The following DMD variants were observed in gnomAD, a reference collection of about 807,000 sequenced individuals.
DMD encodes the protein mutant dystrophin.
Under a neutral mutation model 330.1 loss-of-function variants are expected in DMD, and 63 were observed. The ratio of observed to expected loss-of-function variants is 0.19; its 90% CI spans 0.16 to 0.24. DMD has a LOEUF of 0.24. Ranked by LOEUF, DMD falls within the 10% of genes least tolerant of loss-of-function variation. DMD has a pLI of 1.00. For missense variants in DMD, 3,344 were observed against 2,684.1 expected, an observed-to-expected ratio of 1.25 and a Z score of -5.43; for synonymous variants, 1,223 against 959.8, an observed-to-expected ratio of 1.27 and a Z score of -5.07.
In DMD at chrX:31,719,569, CA is replaced by C. The variant is rs1241449469; in HGVS notation, c.7660+10061del. Among the ~76,000 whole-genome samples, 8 of 111,600 alleles carry C rather than the reference CA, an allele frequency of 7.2e-5. No individual in the cohort carries two copies. The East Asian group carries it at 2.3e-3, about 31-fold the overall frequency. ...GTGGGTTCTTGTTTCTTTCAAGAAA[CA>C]AAAACACATGTTATTCTGCACGTGT... is the stretch of plus-strand genomic sequence containing the variant. On this transcript the variant is annotated intron_variant, in intron 52 of 78. Coordinates refer to ENST00000357033, the MANE Select transcript of DMD (RefSeq NM_004006.3).
At chrX:32,904,750 A>G (rs1055347678) in intron 2 of DMD, among the ~76,000 whole-genome samples, 7 of 110,896 alleles carry the variant, frequency 6.3e-5, no homozygotes, top group African/African-American at 2.3e-4. Flanking sequence ...TAATTTTTGT[A>G]TTTTTGGTAG....
intron 76 of DMD, among the ~76,000 whole-genome samples, chrX:31,143,047 C>T (rs2036264649): frequency 8.9e-6 from 1 of 112,341 alleles, no homozygotes; most frequent in Non-Finnish European, 1.9e-5. Flanking sequence ...CCTTGTATCT[C>T]AAACCTTCAA....
intron 60 of DMD, among the ~76,000 whole-genome samples, chrX:31,434,416 G>GCGCA (rs1375237158): frequency 1.5e-5 from 1 of 66,376 alleles, no homozygotes; most frequent in East Asian, 6.3e-4. Flanking sequence ...TGCAGCGCGC[G>GCGCA]CGCACACACA....
chrX:33,128,133 C>T, intron 1 of DMD: 2 of 1,206,952 alleles, frequency 1.7e-6, no homozygotes, highest in Non-Finnish European at 2.2e-6. Flanking sequence ...CATTTATCTG[C>T]AGCTTTTACT....
chrX:32,560,594 C>T (rs1459102951), intron 16 of DMD, among the ~76,000 whole-genome samples: 1 of 110,901 alleles, frequency 9.0e-6, no homozygotes, highest in Non-Finnish European at 1.9e-5. Context: ...TGCTCTCCTC[C>T]TCTCCCAGCA....
chrX:31,121,989 C>G, intron 78 of DMD, 59 bp from the exon 79 acceptor site: 1 of 907,817 alleles, frequency 1.1e-6, no homozygotes, highest in Non-Finnish European at 1.6e-6. Flanking sequence ...GATAGCATCA[C>G]TCTGTTTCTT....
chrX:32,808,610 C>A (rs1328314887), intron 7 of DMD, among the ~76,000 whole-genome samples: 1 of 111,235 alleles, frequency 9.0e-6, no homozygotes, highest in Non-Finnish European at 1.9e-5. Flanking sequence ...GACCTACCAT[C>A]CATATTGAAA....
intron 32 of DMD, among the ~76,000 whole-genome samples, chrX:32,386,983 C>G (rs2097962960): frequency 1.8e-5 from 2 of 110,331 alleles, no homozygotes; most frequent in African/African-American, 6.6e-5. Flanking sequence ...AACATTAAAG[C>G]ACCTAAATTT....
intron 52 of DMD, among the ~76,000 whole-genome samples, chrX:31,702,460 G>A (rs2083879953): frequency 9.0e-6 from 1 of 111,717 alleles, no homozygotes; most frequent in Admixed American, 9.5e-5. Context: ...GTCACTGAAG[G>A]AGAAACATGC....
chrX:32,510,444 C>G (rs1390453045), intron 18 of DMD, among the ~76,000 whole-genome samples: 1 of 111,798 alleles, frequency 8.9e-6, no homozygotes. Context: ...GAACTTATCA[C>G]TAACATTCCA....
chrX:32,291,248 A>G (rs1015130058), intron 42 of DMD, among the ~76,000 whole-genome samples: 1 of 111,888 alleles, frequency 8.9e-6, no homozygotes, highest in African/African-American at 3.3e-5. Flanking sequence ...AAGTAGGAAA[A>G]TAATACAAAT....
At chrX:31,378,655 A>G (rs1422828421) in intron 60 of DMD, among the ~76,000 whole-genome samples, 1 of 104,706 alleles carries the variant, frequency 9.6e-6, no homozygotes, top group Non-Finnish European at 2.0e-5. Context: ...GAACCCCCCA[A>G]CCCTTCTCTC....
intron 1 of DMD, among the ~76,000 whole-genome samples, chrX:33,219,424 T>G (rs1224227387): frequency 9.7e-6 from 1 of 102,803 alleles, no homozygotes; most frequent in Non-Finnish European, 2.0e-5. Flanking sequence ...ATCTGGAACC[T>G]TGTGAGTTCA....
intron 55 of DMD, among the ~76,000 whole-genome samples, chrX:31,511,080 C>CA (rs1476125451): frequency 3.6e-5 from 4 of 110,750 alleles, no homozygotes; most frequent in Non-Finnish European, 5.7e-5. Flanking sequence ...CTACAGGACT[C>CA]AGATAGGTTG....
chrX:32,757,326 G>A (rs1191095526), intron 7 of DMD, among the ~76,000 whole-genome samples: 1 of 111,531 alleles, frequency 9.0e-6, no homozygotes, highest in African/African-American at 3.3e-5. Flanking sequence ...CAAGTTATAT[G>A]ATTCAGGGAT....
intron 55 of DMD, among the ~76,000 whole-genome samples, chrX:31,565,044 T>C (rs958211166): frequency 6.2e-5 from 7 of 112,483 alleles, no homozygotes; most frequent in African/African-American, 2.3e-4. Context: ...TGAATTGTTT[T>C]ATTTGTTTTT....
chrX:32,598,405 G>A (rs1456240416), intron 12 of DMD, among the ~76,000 whole-genome samples: 1 of 111,271 alleles, frequency 9.0e-6, no homozygotes, highest in African/African-American at 3.3e-5. Context: ...ACATTTTGAA[G>A]GTGTCAGCCG....
At chrX:32,769,389 T>G (rs1569515353) in intron 7 of DMD, among the ~76,000 whole-genome samples, 1 of 111,132 alleles carries the variant, frequency 9.0e-6, no homozygotes, top group East Asian at 2.9e-4. Flanking sequence ...CCTGCCCCCA[T>G]GATTCAATTA....
rs191366200 is a variant in DMD, at chrX:31,917,269, G to C, written c.6912+12327C>G. 4.5e-5 allele frequency among the ~76,000 whole-genome samples: 5 copies of C among 111,979 alleles called. No individual in the cohort carries two copies. The East Asian group carries it at 1.4e-3, about 31-fold the overall frequency. On this transcript the variant is annotated intron_variant, in intron 47 of 78. Coordinates refer to ENST00000357033, the MANE Select transcript of DMD (RefSeq NM_004006.3). ...TTGTTGATAGATTCTGGGAAACTGT[G>C]ACTTAGGCAAAATGACATATAATGA... is the stretch of plus-strand genomic sequence containing the variant.
Sources: gnomAD v4.1 joint callset for allele counts (sites outside exome capture counted in the v4.1 genomes callset) on GRCh38, gnomAD v4.1.1 for gene constraint, MANE v1.5 for transcripts, NCBI Gene and HGNC (gene_info 2026-07-23, HGNC 2026-07-21) for gene names.